The following SLC6A17 variants were observed in gnomAD, a reference collection of about 807,000 sequenced individuals.
SLC6A17 encodes sodium-dependent neutral amino acid transporter SLC6A17.
In SLC6A17, 21 loss-of-function variants were observed where a neutral mutation model predicts 64.5. That is an observed-to-expected ratio of 0.33 (90% confidence interval 0.23 to 0.47). The LOEUF (loss-of-function observed/expected upper bound fraction) is 0.47. SLC6A17 is among the 20% of genes least tolerant of loss of function. SLC6A17 has a pLI of 1.00. For synonymous variants in SLC6A17, 372 were observed against 399.5 expected, an observed-to-expected ratio of 0.93 and a Z score of 0.82; for missense variants, 682 against 963.2, an observed-to-expected ratio of 0.71 and a Z score of 3.86.
chr1:110,194,602 C>G lies in SLC6A17; in HGVS notation c.1323C>G (p.Ala441=). 1.2e-6 allele frequency: 2 copies of G among 1,614,186 alleles called. No individual in the cohort carries two copies. Among genetic ancestry groups the G allele is most frequent in the Non-Finnish European group, 1.7e-6 (2 of 1,180,032 alleles). The change falls in exon 9 of 12, where the codon GCC becomes GCG. Residue 441 remains alanine (A), a synonymous_variant. Transcript: ENST00000331565. The part of the protein sequence containing the change: ...LDKSVQGTGL[A]FIAFTEAMTH... ...AGTCCGTGCAGGGCACAGGCCTGGC[C>G]TTCATCGCCTTCACTGAGGCCATGA...
At chr1:110,156,622 A>G (rs1030276927) in intron 1 of SLC6A17, among the ~76,000 whole-genome samples, 1 of 152,208 alleles carries the variant, frequency 6.6e-6, no homozygotes, top group African/African-American at 2.4e-5. Flanking sequence ...TGTCTTGAAG[A>G]TAAGAATTGT....
Position 110,198,172 on chromosome 1 carries a change from C to G in SLC6A17, c.1912C>G (p.Leu638Val), listed in dbSNP as rs773673995. 3.1e-6 allele frequency: 5 copies of G among 1,613,994 alleles called. No individual in the cohort carries two copies. Among genetic ancestry groups the G allele is most frequent in the Non-Finnish European group, 4.2e-6 (5 of 1,179,990 alleles). The change falls in exon 12 of 12, where the codon CTG becomes GTG. Residue 638 changes from leucine to valine, a missense_variant. Transcript: ENST00000331565. ...ATLPIPVVFV[L>V]RHFHLLSDGS... ...GCTGCCCATCCCTGTGGTGTTCGTC[C>G]TGCGGCACTTCCACCTGCTCTCTGA...
chr1:110,198,669 T>C lies in SLC6A17; in HGVS notation c.*225T>C. The C allele has an allele frequency of 1.5e-6, 1 of 683,208 alleles. No homozygotes were observed. The highest frequency in any genetic ancestry group is 2.5e-5 in the South Asian group (1 of 39,538). 42.3% of individuals were successfully genotyped at this position (683,208 alleles called of 1,614,324 possible). ...GTTTCCTAATTCAGGACCCCACTCA[T>C]CTAGCCCTCCAAGAGCCTCCGCCAA... is the stretch of plus-strand genomic sequence containing the variant. On this transcript the variant is annotated 3_prime_UTR_variant, in exon 12 of 12. Transcript: ENST00000331565.
chr1:110,163,042 A>AT (rs1655960677), intron 1 of SLC6A17, among the ~76,000 whole-genome samples: 1 of 142,922 alleles, frequency 7.0e-6, no homozygotes, highest in Admixed American at 6.9e-5. Context: ...AAAAAAAAAA[A>AT]TGGTTTTAAG....
chr1:110,192,025 C>T lies in SLC6A17; in HGVS notation c.918C>T (p.Phe306=), dbSNP rs779280738. The T allele has an allele frequency of 6.2e-7, 1 of 1,614,212 alleles. No individual in the cohort carries two copies. Among genetic ancestry groups the T allele is most frequent in the Non-Finnish European group, 8.5e-7 (1 of 1,180,026 alleles). Residue 306 remains phenylalanine, a synonymous_variant, in exon 7 of 12, where the codon TTC becomes TTT. Transcript: ENST00000331565. The surrounding 1 kb of genome is among the most constrained non-coding windows in gnomAD (Gnocchi z 4.3). ...GGCGGGAGGCAGCTACCCAGGTCTT[C>T]TTTGCCTTGGGCCTGGGCTTTGGTG... ...QVWREAATQV[F]FALGLGFGGV...
chr1:110,197,774 G>T (rs1034088150), intron 11 of SLC6A17, among the ~76,000 whole-genome samples, 175 bp downstream of exon 11: 1 of 152,250 alleles, frequency 6.6e-6, no homozygotes, highest in East Asian at 1.9e-4. Flanking sequence ...CATCATCCCT[G>T]TAGCACAAAC....
intron 1 of SLC6A17, among the ~76,000 whole-genome samples, chr1:110,156,832 A>G (rs1655773699): frequency 6.6e-6 from 1 of 152,166 alleles, no homozygotes; most frequent in Non-Finnish European, 1.5e-5. Context: ...TCTGATCACT[A>G]TTCCTTCAAG....
intron 6 of SLC6A17, among the ~76,000 whole-genome samples, chr1:110,189,156 A>G (rs887600065): frequency 5.3e-5 from 8 of 152,156 alleles, no homozygotes; most frequent in Admixed American, 1.3e-4. Flanking sequence ...CAGAAAGTCT[A>G]TCTCCAGCTT....
Position 110,174,105 on chromosome 1 carries a change from T to C in SLC6A17, c.571+6T>C. 1 of 1,613,772 alleles carries C rather than the reference T, an allele frequency of 6.2e-7. No individual in the cohort carries two copies. The highest frequency in any genetic ancestry group is 8.5e-7 in the Non-Finnish European group (1 of 1,179,846). ...CAGGAATGGGAGCGTGGCAGGCAAG[T>C]ATGGGGCCCAGCTGGGGATGCCAGC... On this transcript the variant is annotated splice_donor_region_variant and intron_variant, in intron 4 of 11. Transcript: ENST00000331565.
At chr1:110,176,123 CAT>C (rs1468329694) in intron 5 of SLC6A17, among the ~76,000 whole-genome samples, 5 of 152,170 alleles carry the variant, frequency 3.3e-5, no homozygotes, top group African/African-American at 9.7e-5. Context: ...GGGATATAGA[CAT>C]GTGCGAGAAA....
chr1:110,162,047 G>C (rs1469071580), intron 1 of SLC6A17, among the ~76,000 whole-genome samples: 1 of 152,260 alleles, frequency 6.6e-6, no homozygotes, highest in Non-Finnish European at 1.5e-5. Context: ...TAAGTGACAA[G>C]CTGGCACCAA....
intron 1 of SLC6A17, among the ~76,000 whole-genome samples, chr1:110,160,659 A>G (rs1213333562): frequency 6.6e-6 from 1 of 152,180 alleles, no homozygotes; most frequent in Non-Finnish European, 1.5e-5. Context: ...TCACTCACAG[A>G]CTCGCAGGAG....
At chr1:110,187,827 A>G (rs1038679691) in intron 6 of SLC6A17, among the ~76,000 whole-genome samples, 2 of 152,222 alleles carry the variant, frequency 1.3e-5, no homozygotes, top group African/African-American at 4.8e-5. Flanking sequence ...TCAAAAACTC[A>G]CCCAAGAGAT....
At chr1:110,159,818 C>A (rs1452288160) in intron 1 of SLC6A17, among the ~76,000 whole-genome samples, 2 of 152,166 alleles carry the variant, frequency 1.3e-5, no homozygotes, top group East Asian at 3.8e-4. Flanking sequence ...ATGGAAAAAA[C>A]TAGAAGTTGG....
rs984538788 is a variant in SLC6A17 at position 110,198,402 on chromosome 1, G to A, written c.2142G>A (p.Gly714=). Residue 714 remains glycine (G), a synonymous_variant, in exon 12 of 12, where the codon GGG becomes GGA. Transcript: ENST00000331565. Reference sequence around the variant, plus strand: ...GCGGTAACCCCAATGGACGCTATGGGAGCGGCTACCTGCTGGCCAGCACCC... The same window carrying A: ...GCGGTAACCCCAATGGACGCTATGGAAGCGGCTACCTGCTGGCCAGCACCC... ...ETSGNPNGRY[G]SGYLLASTPE... 4 of 1,613,630 alleles carry A rather than the reference G, an allele frequency of 2.5e-6. No homozygotes were observed. The African/African-American group carries it at 4.0e-5, about 16-fold the overall frequency.
intron 1 of SLC6A17, among the ~76,000 whole-genome samples, chr1:110,154,906 G>A (rs1655715450): frequency 6.6e-6 from 1 of 152,176 alleles, no homozygotes; most frequent in Non-Finnish European, 1.5e-5. Flanking sequence ...GCTGCTTGGG[G>A]AGATTCCACT....
At chr1:110,175,381 C>T (rs2101848752) in intron 5 of SLC6A17, among the ~76,000 whole-genome samples, 1 of 152,290 alleles carries the variant, frequency 6.6e-6, no homozygotes, top group East Asian at 1.9e-4. Flanking sequence ...GCCCTTTGAG[C>T]AGGTAGACGC....
intron 5 of SLC6A17, 127 bp downstream of exon 5, chr1:110,175,087 G>A: frequency 8.3e-7 from 1 of 1,202,560 alleles, no homozygotes; most frequent in Non-Finnish European, 1.1e-6. Flanking sequence ...GCCCCCAGAG[G>A]AGGGTGTGGA....
Position 110,198,097 on chromosome 1 carries a change from T to C in SLC6A17, c.1837T>C (p.Phe613Leu). 1.2e-6 allele frequency: 2 copies of C among 1,613,324 alleles called. No individual in the cohort carries two copies. Among genetic ancestry groups the C allele is most frequent in the Non-Finnish European group, 1.7e-6 (2 of 1,179,704 alleles). ...GCAGGCTGCCGAGCGCTACCTGTAT[T>C]TCCCCAACTGGGCCATGGCACTCCT... The part of the protein sequence containing the change: ...KEEAAERYLY[F>L]PNWAMALLIT... Residue 613 changes from phenylalanine (F) to leucine (L), a missense_variant, in exon 12 of 12, where the codon TTC (phenylalanine) becomes CTC (leucine). Physicochemically the swap from Phe to Leu is conservative, Grantham distance 22 (BLOSUM62 0). Transcript: ENST00000331565.
Sources: allele counts gnomAD v4.1 joint callset (sites outside exome capture counted in the v4.1 genomes callset), GRCh38; gene constraint gnomAD v4.1.1; non-coding constraint Gnocchi (gnomAD v3.1); transcripts MANE v1.5; gene names NCBI Gene and HGNC (gene_info 2026-07-23, HGNC 2026-07-21).